LRRC4C: variants seen among roughly 807,000 people sequenced by gnomAD.
LRRC4C encodes leucine-rich repeat-containing protein 4C.
A neutral mutation model predicts 33.6 loss-of-function variants in LRRC4C; 5 were observed. That is an observed-to-expected ratio of 0.15 (90% CI 0.08 to 0.31). LRRC4C has a LOEUF of 0.31. Ranked by LOEUF, LRRC4C falls within the 10% of genes least tolerant of loss-of-function variation. The pLI is 1.00. For synonymous variants in LRRC4C, 329 were observed against 302.0 expected (o/e 1.09, Z -0.93); for missense variants, 560 against 796.7 (o/e 0.70, Z 3.58).
At chr11:41,138,456 T>C (rs1292803400) in intron 1 of LRRC4C, among the ~76,000 whole-genome samples, 2 of 152,154 alleles carry the variant, frequency 1.3e-5, no homozygotes, top group Non-Finnish European at 2.9e-5. Context: ...TGACACTCCC[T>C]GGAGAAGGAC....
At chr11:40,743,884 C>T (rs1948286487) in intron 2 of LRRC4C, among the ~76,000 whole-genome samples, 1 of 151,942 alleles carries the variant, frequency 6.6e-6, no homozygotes, top group Non-Finnish European at 1.5e-5. Context: ...TCTTGTTTTC[C>T]AAGTCTGGGT....
At position 40,231,624 on chromosome 11, in the gene LRRC4C, A is replaced by C. The variant is rs542432737; in HGVS notation, c.-96+9895T>G. 2.0e-5 allele frequency among the ~76,000 whole-genome samples: 3 copies of C among 152,306 alleles called. No individual in the cohort carries two copies. The South Asian group carries it at 6.2e-4, about 32-fold the overall frequency. On this transcript the variant is annotated intron_variant, in intron 5 of 6. Coordinates refer to ENST00000528697, the MANE Select transcript of LRRC4C (RefSeq NM_001258419.2). ...AAGATATTTTTATACCTATTTTAGAAGTGGTTTAGATAGACACAGACATTT... is the reference window on the plus strand; with the variant it reads ...AAGATATTTTTATACCTATTTTAGACGTGGTTTAGATAGACACAGACATTT...
intron 4 of LRRC4C, among the ~76,000 whole-genome samples, chr11:40,301,432 T>A (rs968010930): frequency 6.6e-6 from 1 of 152,236 alleles, no homozygotes; most frequent in South Asian, 2.1e-4. Flanking sequence ...TCTTTAAAAC[T>A]TCACCAGGAA....
chr11:40,953,230 G>C (rs894178466), intron 1 of LRRC4C, among the ~76,000 whole-genome samples: 2 of 151,872 alleles, frequency 1.3e-5, no homozygotes, highest in African/African-American at 4.8e-5. Context: ...AAGTAAGGGA[G>C]TTATACAAAA....
At chr11:40,321,967 A>C (rs1659747891) in intron 3 of LRRC4C, among the ~76,000 whole-genome samples, 1 of 152,176 alleles carries the variant, frequency 6.6e-6, no homozygotes, top group Non-Finnish European at 1.5e-5. Flanking sequence ...ATAGCATCAG[A>C]TAAGAGAAGT....
At chr11:40,948,456 C>G (rs372707151) in intron 1 of LRRC4C, among the ~76,000 whole-genome samples, 1 of 150,156 alleles carries the variant, frequency 6.7e-6, no homozygotes, top group African/African-American at 2.5e-5. Flanking sequence ...CATGCTGGTG[C>G]GCTGCACCCA....
intron 1 of LRRC4C, among the ~76,000 whole-genome samples, chr11:41,066,157 C>T (rs1490270418): frequency 6.6e-6 from 1 of 152,006 alleles, no homozygotes; most frequent in Non-Finnish European, 1.5e-5. Context: ...TGCAAAGAAG[C>T]TAAGAACATT....
At chr11:40,709,329 G>A (rs955041472) in intron 2 of LRRC4C, among the ~76,000 whole-genome samples, 2 of 152,234 alleles carry the variant, frequency 1.3e-5, no homozygotes, top group Admixed American at 1.3e-4. Context: ...GCATGTTTTT[G>A]CAGTGGCTGG....
At chr11:40,651,231 A>C (rs1353781310) in intron 2 of LRRC4C, among the ~76,000 whole-genome samples, 2 of 152,190 alleles carry the variant, frequency 1.3e-5, no homozygotes, top group Non-Finnish European at 2.9e-5. Context: ...CTGTTTTATT[A>C]GAGGAATATT....
At chr11:40,558,513 A>G (rs993818237) in intron 3 of LRRC4C, among the ~76,000 whole-genome samples, 1 of 152,178 alleles carries the variant, frequency 6.6e-6, no homozygotes, top group African/African-American at 2.4e-5. Flanking sequence ...AAGAAGAATC[A>G]GCTCATTAAG....
intron 3 of LRRC4C, among the ~76,000 whole-genome samples, chr11:40,639,585 A>G (rs59079845): frequency 0.032 from 4,939 of 152,308 alleles, 111 homozygotes; most frequent in African/African-American, 0.056. Context: ...AAGGCATTCA[A>G]TTTAGGAGTC....
At chr11:40,979,797 T>C (rs370466368) in intron 1 of LRRC4C, among the ~76,000 whole-genome samples, 1 of 152,220 alleles carries the variant, frequency 6.6e-6, no homozygotes, top group African/African-American at 2.4e-5. Context: ...CCACATACAA[T>C]GAGATTTTCA....
At chr11:41,418,274 T>C (rs2138293736) in intron 1 of LRRC4C, among the ~76,000 whole-genome samples, 1 of 152,098 alleles carries the variant, frequency 6.6e-6, no homozygotes, top group South Asian at 2.1e-4. Flanking sequence ...CTGTTTCCAG[T>C]CAGTCCTTCT....
At chr11:40,559,521 T>C (rs1591105218) in intron 3 of LRRC4C, among the ~76,000 whole-genome samples, 1 of 152,142 alleles carries the variant, frequency 6.6e-6, no homozygotes, top group African/African-American at 2.4e-5. Flanking sequence ...TATATTCCTC[T>C]GGGTATCTAC....
intron 1 of LRRC4C, among the ~76,000 whole-genome samples, chr11:41,422,918 TA>T (rs1954921171): frequency 6.6e-6 from 1 of 152,106 alleles, no homozygotes; most frequent in South Asian, 2.1e-4. Context: ...GAATGATTTT[TA>T]AAAAGCATTT....
chr11:41,327,125 A>T (rs1214039053), intron 1 of LRRC4C, among the ~76,000 whole-genome samples: 1 of 152,198 alleles, frequency 6.6e-6, no homozygotes, highest in Admixed American at 6.5e-5. Flanking sequence ...ATTAAATCCC[A>T]TTCTCTCTCT....
chr11:40,805,959 T>C lies in LRRC4C; in HGVS notation c.-407+127676A>G, dbSNP rs144146583. Among the ~76,000 whole-genome samples the C allele has an allele frequency of 4.5e-3, 687 of 152,270 alleles. 4 individuals are homozygous for C. Among genetic ancestry groups the C allele is most frequent in the African/African-American group, 0.015 (629 of 41,566 alleles). ...TGTCCTTGCCTTTTGAGTACAACAA[T>C]GGAACTGCTGGGAAAATCAGTGTCC... On this transcript the variant is annotated intron_variant, in intron 2 of 6. Coordinates refer to ENST00000528697, the MANE Select transcript of LRRC4C (RefSeq NM_001258419.2).
intron 6 of LRRC4C, 23 bp from the exon 7 acceptor site, chr11:40,116,357 A>G: frequency 6.6e-7 from 1 of 1,516,462 alleles, no homozygotes. Flanking sequence ...AGCAAAAAAA[A>G]CCAATTATTA....
intron 1 of LRRC4C, among the ~76,000 whole-genome samples, chr11:41,360,138 G>A (rs1253710823): frequency 6.6e-6 from 1 of 152,116 alleles, no homozygotes; most frequent in East Asian, 1.9e-4. Context: ...AGCGGAGATC[G>A]CGCCACTGCA....
Sources: gnomAD v4.1 joint callset for allele counts (sites outside exome capture counted in the v4.1 genomes callset) on GRCh38, gnomAD v4.1.1 for gene constraint, MANE v1.5 for transcripts, NCBI Gene and HGNC (gene_info 2026-07-23, HGNC 2026-07-21) for gene names.